PTGES3: variants seen among roughly 807,000 people sequenced by gnomAD.
PTGES3 encodes Hsp90 co-chaperone.
In PTGES3, 5 loss-of-function variants were observed where a neutral mutation model predicts 29.9. The ratio of observed to expected loss-of-function variants is 0.17; its 90% CI spans 0.09 to 0.35. PTGES3 has a LOEUF of 0.35. Ranked by LOEUF, PTGES3 falls within the 10% of genes least tolerant of loss-of-function variation. PTGES3 has a pLI of 1.00. For missense variants in PTGES3, 128 were observed against 190.0 expected, an observed-to-expected ratio of 0.67 and a Z score of 1.92; for synonymous variants, 49 against 57.8, an observed-to-expected ratio of 0.85 and a Z score of 0.69.
At chr12:56,677,854 T>C (rs1952330406) in intron 1 of PTGES3, among the ~76,000 whole-genome samples, 1 of 152,180 alleles carries the variant, frequency 6.6e-6, no homozygotes, top group African/African-American at 2.4e-5. Context: ...TACTCTGAAA[T>C]TTAAAATATC....
chr12:56,666,066 T>A, intron 6 of PTGES3, 138 bp downstream of exon 6: 1 of 1,403,258 alleles, frequency 7.1e-7, no homozygotes, highest in South Asian at 1.7e-5. Flanking sequence ...GGGCACATTT[T>A]AAAAATTGCT....
chr12:56,678,452 C>A (rs1349891280), intron 1 of PTGES3, among the ~76,000 whole-genome samples: 1 of 152,184 alleles, frequency 6.6e-6, no homozygotes, highest in Non-Finnish European at 1.5e-5. Flanking sequence ...GCTGGAATTA[C>A]AGGAGTGAGC....
intron 1 of PTGES3, 138 bp downstream of exon 1, chr12:56,687,860 G>C: frequency 6.5e-7 from 1 of 1,530,872 alleles, no homozygotes; most frequent in South Asian, 1.2e-5. Context: ...CCGGAACAAG[G>C]ATCCTGGACC....
chr12:56,668,428 A>G (rs1439621680), intron 5 of PTGES3, among the ~76,000 whole-genome samples: 1 of 152,118 alleles, frequency 6.6e-6, no homozygotes, highest in Non-Finnish European at 1.5e-5. Flanking sequence ...AAATAAAACA[A>G]AAAACAAAAA....
chr12:56,687,366 A>G (rs1188314349), intron 1 of PTGES3: 1 of 987,740 alleles, frequency 1.0e-6, no homozygotes, highest in Non-Finnish European at 1.2e-6. Context: ...GAGTTTTGGC[A>G]ACCTCCCGTG....
intron 1 of PTGES3, among the ~76,000 whole-genome samples, chr12:56,676,400 C>T (rs1952250248): frequency 6.6e-6 from 1 of 152,080 alleles, no homozygotes; most frequent in Admixed American, 6.6e-5. Context: ...ATAATCTAAA[C>T]TAGCTTCTGC....
At chr12:56,669,286 G>A (rs1490868362) in intron 5 of PTGES3, among the ~76,000 whole-genome samples, 5 of 152,038 alleles carry the variant, frequency 3.3e-5, no homozygotes, top group African/African-American at 4.8e-5. Context: ...TCCACCTCCC[G>A]GGTTCAAGTG....
chr12:56,664,831 G>C (rs754760054), intron 6 of PTGES3, 31 bp from the exon 7 acceptor site: 9 of 1,590,724 alleles, frequency 5.7e-6, no homozygotes, highest in African/African-American at 1.4e-5. Flanking sequence ...TTACCGAGCT[G>C]ATCAAATATT....
At chr12:56,675,004 C>CAAA (rs1177350725) in intron 1 of PTGES3, among the ~76,000 whole-genome samples, 2,044 of 32,316 alleles carry the variant, frequency 0.063, 416 homozygotes, top group African/African-American at 0.17. Context: ...AACTCGGTCT[C>CAAA]AAAAAAAAAA....
chr12:56,670,103 C>G (rs1384256985), intron 5 of PTGES3, among the ~76,000 whole-genome samples, 172 bp downstream of exon 5: 1 of 152,012 alleles, frequency 6.6e-6, no homozygotes, highest in East Asian at 1.9e-4. Flanking sequence ...GGTTCAACTT[C>G]AGGATTAAAA....
intron 1 of PTGES3, among the ~76,000 whole-genome samples, chr12:56,684,542 A>G (rs907659165): frequency 2.6e-5 from 4 of 152,240 alleles, no homozygotes; most frequent in African/African-American, 9.6e-5. Flanking sequence ...TGACAGGAAG[A>G]TTTTTACCAA....
intron 1 of PTGES3, chr12:56,687,564 C>T: frequency 9.7e-7 from 1 of 1,026,144 alleles, no homozygotes; most frequent in Non-Finnish European, 1.2e-6. Context: ...GCGGCACCCA[C>T]CACAGGTGCA....
chr12:56,685,225 A>G (rs958353179), intron 1 of PTGES3, among the ~76,000 whole-genome samples: 10 of 152,148 alleles, frequency 6.6e-5, no homozygotes, highest in Admixed American at 6.6e-4. Context: ...TACAACTTTC[A>G]TTTTAAAATT....
intron 1 of PTGES3, chr12:56,687,535 G>C: frequency 9.9e-7 from 1 of 1,006,536 alleles, no homozygotes; most frequent in South Asian, 4.2e-5. Flanking sequence ...GCTCTCCCAG[G>C]AGCTCCGCCA....
chr12:56,683,409 G>T (rs1056608064), intron 1 of PTGES3, among the ~76,000 whole-genome samples: 2 of 143,794 alleles, frequency 1.4e-5, no homozygotes, highest in East Asian at 4.2e-4. Context: ...GGAGGCGGAG[G>T]TTGCGGTGAG....
intron 1 of PTGES3, among the ~76,000 whole-genome samples, chr12:56,677,256 A>T (rs1369548674): frequency 1.3e-5 from 2 of 152,028 alleles, no homozygotes. Flanking sequence ...CCCAAAAAAA[A>T]AAAAAAAAGT....
intron 3 of PTGES3, 80 bp downstream of exon 3, chr12:56,672,660 A>G (rs935506238): frequency 2.1e-6 from 3 of 1,429,548 alleles, no homozygotes; most frequent in Non-Finnish European, 2.8e-6. Flanking sequence ...AACAGAACTA[A>G]TGCTCATTGC....
intron 1 of PTGES3, among the ~76,000 whole-genome samples, chr12:56,674,824 T>TAAAAAAAAAAAAA (rs1952154533): frequency 1.5e-4 from 1 of 6,628 alleles, no homozygotes; most frequent in Non-Finnish European, 2.4e-4. Context: ...AGACTCCATC[T>TAAAAAAAAAAAAA]CAAAAAAAAA....
chr12:56,678,308 G>A (rs948270299), intron 1 of PTGES3, among the ~76,000 whole-genome samples: 2 of 152,068 alleles, frequency 1.3e-5, no homozygotes, highest in African/African-American at 2.4e-5. Context: ...CCCTTGAGTA[G>A]CTGGGATTAC....
Sources: allele counts gnomAD v4.1 joint callset (sites outside exome capture counted in the v4.1 genomes callset), GRCh38; gene constraint gnomAD v4.1.1; transcripts MANE v1.5; gene names NCBI Gene and HGNC (gene_info 2026-07-23, HGNC 2026-07-21).